TMTC2: variants seen among roughly 807,000 people sequenced by gnomAD.
TMTC2 encodes protein O-mannosyl-transferase TMTC2.
In TMTC2, 43 loss-of-function variants were observed where a neutral mutation model predicts 82.4. The ratio of observed to expected loss-of-function variants is 0.52; its 90% confidence interval spans 0.41 to 0.67. TMTC2 has a LOEUF of 0.67. Among genes scored for constraint, TMTC2 ranks in the 30% least tolerant of loss-of-function variants. TMTC2 has a pLI of 0.00. For missense variants in TMTC2, 919 were observed against 1,012.4 expected (o/e 0.91, Z 1.25); for synonymous variants, 408 against 381.9 (o/e 1.07, Z -0.80).
intron 3 of TMTC2, among the ~76,000 whole-genome samples, chr12:82,918,327 T>C (rs1226318434): frequency 6.6e-6 from 1 of 152,236 alleles, no homozygotes; most frequent in Non-Finnish European, 1.5e-5. Context: ...ACTGGCAAGA[T>C]TGCAATTTTT....
chr12:83,023,980 T>G (rs1881050867), intron 8 of TMTC2, among the ~76,000 whole-genome samples: 1 of 152,344 alleles, frequency 6.6e-6, no homozygotes, highest in East Asian at 1.9e-4. Context: ...CATTTCTGTA[T>G]CAGGTAGCTT....
intron 1 of TMTC2, among the ~76,000 whole-genome samples, chr12:82,718,637 A>T (rs1384433585): frequency 1.3e-5 from 2 of 152,218 alleles, no homozygotes; most frequent in African/African-American, 2.4e-5. Context: ...TCTTATGTGT[A>T]GGTTGAACCA....
intron 1 of TMTC2, among the ~76,000 whole-genome samples, chr12:82,776,340 A>G (rs1437550679): frequency 6.6e-6 from 1 of 152,084 alleles, no homozygotes; most frequent in Non-Finnish European, 1.5e-5. Context: ...TCCCCAGGGA[A>G]TGGCAGACAA....
At chr12:82,892,966 A>G (rs182750217) in intron 2 of TMTC2, among the ~76,000 whole-genome samples, 1 of 152,342 alleles carries the variant, frequency 6.6e-6, no homozygotes, top group East Asian at 1.9e-4. Context: ...TCTAAAATCA[A>G]GAAATTTTAG....
chr12:82,795,176 G>T (rs1482193881), intron 1 of TMTC2, among the ~76,000 whole-genome samples: 2 of 151,764 alleles, frequency 1.3e-5, no homozygotes. Context: ...TTGGTGGCAC[G>T]TGTCTGTAAT....
chr12:82,946,471 A>G (rs894554336), intron 4 of TMTC2, among the ~76,000 whole-genome samples: 1 of 152,118 alleles, frequency 6.6e-6, no homozygotes. Context: ...ATACCTAAGG[A>G]TGCCCTTTTT....
At chr12:82,833,366 A>G (rs1184906738) in intron 1 of TMTC2, among the ~76,000 whole-genome samples, 1 of 152,234 alleles carries the variant, frequency 6.6e-6, no homozygotes, top group African/African-American at 2.4e-5. Context: ...TTTCAGAATT[A>G]CTTGTGAGGC....
chr12:82,720,718 C>A (rs145729957), intron 1 of TMTC2, among the ~76,000 whole-genome samples: 1 of 152,158 alleles, frequency 6.6e-6, no homozygotes, highest in Non-Finnish European at 1.5e-5. Flanking sequence ...ATGTCACCAG[C>A]GCTTGTTGTT....
rs202073831 is a variant in TMTC2, at chr12:82,832,567, A to G, written c.84-24443A>G. ...TGTCCTGCATTATTGTCTGGAGTGT[A>G]TCTTCCATAATTCAAAAAAATTTCT... On this transcript the variant is annotated intron_variant, in intron 1 of 11. Transcript: ENST00000321196. Among the ~76,000 whole-genome samples the G allele has an allele frequency of 5.9e-5, 9 of 152,210 alleles. No individual in the cohort carries two copies. The East Asian group carries it at 1.4e-3, about 23-fold the overall frequency.
intron 1 of TMTC2, among the ~76,000 whole-genome samples, chr12:82,703,504 T>A (rs1261405161): frequency 1.7e-3 from 263 of 150,436 alleles, no homozygotes; most frequent in African/African-American, 5.6e-3. Flanking sequence ...CTTTCTTTTT[T>A]TTTTTTTTTT....
intron 1 of TMTC2, among the ~76,000 whole-genome samples, chr12:82,781,153 C>G (rs1453259806): frequency 6.6e-6 from 1 of 151,912 alleles, no homozygotes; most frequent in East Asian, 1.9e-4. Context: ...GGATTAAAAA[C>G]AAGACAACAA....
At chr12:82,731,520 G>C (rs1022417840) in intron 1 of TMTC2, among the ~76,000 whole-genome samples, 2 of 152,134 alleles carry the variant, frequency 1.3e-5, no homozygotes, top group African/African-American at 4.8e-5. Context: ...TTTTGGCTAG[G>C]AATTTATAGC....
intron 1 of TMTC2, among the ~76,000 whole-genome samples, chr12:82,761,823 G>A (rs993596833): frequency 3.3e-5 from 5 of 151,934 alleles, no homozygotes; most frequent in South Asian, 2.1e-4. Flanking sequence ...TCTTACAGCC[G>A]CTTAGCTATT....
intron 1 of TMTC2, among the ~76,000 whole-genome samples, chr12:82,796,972 G>A (rs1373680971): frequency 6.6e-6 from 1 of 152,066 alleles, no homozygotes; most frequent in Non-Finnish European, 1.5e-5. Context: ...ATAAAAGTTG[G>A]CTATAATAAC....
At chr12:82,922,219 C>T (rs1214929532) in intron 3 of TMTC2, among the ~76,000 whole-genome samples, 6 of 152,008 alleles carry the variant, frequency 3.9e-5, no homozygotes, top group Admixed American at 3.3e-4. Context: ...GAAATGAATA[C>T]ACCAATAAAA....
At chr12:82,979,921 G>T (rs780364521) in intron 7 of TMTC2, among the ~76,000 whole-genome samples, 1 of 151,672 alleles carries the variant, frequency 6.6e-6, no homozygotes, top group Non-Finnish European at 1.5e-5. Context: ...AATATGTCAT[G>T]CCCTCCCTGC....
intron 1 of TMTC2, among the ~76,000 whole-genome samples, chr12:82,806,937 T>A (rs1374786660): frequency 6.6e-6 from 1 of 152,130 alleles, no homozygotes; most frequent in African/African-American, 2.4e-5. Flanking sequence ...ATGGACTGTG[T>A]ACATATTTTG....
At chr12:82,953,220 G>A (rs965331738) in intron 4 of TMTC2, among the ~76,000 whole-genome samples, 7 of 152,156 alleles carry the variant, frequency 4.6e-5, no homozygotes, top group Non-Finnish European at 7.4e-5. Context: ...TGTGCTGCTC[G>A]TGACATGACC....
chr12:82,713,841 C>CA (rs1873763303), intron 1 of TMTC2, among the ~76,000 whole-genome samples: 1 of 152,200 alleles, frequency 6.6e-6, no homozygotes, highest in African/African-American at 2.4e-5. Context: ...TGTTTTTGGG[C>CA]ATGCTGAATT....
Sources: gnomAD v4.1 joint callset for allele counts (sites outside exome capture counted in the v4.1 genomes callset) on GRCh38, gnomAD v4.1.1 for gene constraint, MANE v1.5 for transcripts, NCBI Gene and HGNC (gene_info 2026-07-23, HGNC 2026-07-21) for gene names.